The following CIC variants were observed in gnomAD, a reference collection of about 807,000 sequenced individuals.
CIC encodes capicua transcriptional repressor.
Under a neutral mutation model 115.7 loss-of-function variants are expected in CIC, and 18 were observed. The ratio of observed to expected loss-of-function variants is 0.16; its 90% CI spans 0.11 to 0.23. The LOEUF (loss-of-function observed/expected upper bound fraction) is 0.23. Among genes scored for constraint, CIC ranks in the 10% least tolerant of loss-of-function variants. The pLI is 1.00. For missense variants in CIC, 2,000 were observed against 2,159.3 expected, an observed-to-expected ratio of 0.93 and a Z score of 1.46; for synonymous variants, 1,076 against 923.0, an observed-to-expected ratio of 1.17 and a Z score of -3.01.
Position 42,288,881 on chromosome 19 carries a change from T to C in CIC, c.3659-7T>C, listed in dbSNP as rs1479271027. On this transcript the variant is annotated splice_region_variant and splice_polypyrimidine_tract_variant and intron_variant, in intron 7 of 20. Coordinates refer to ENST00000681038, the MANE Select transcript of CIC (RefSeq NM_001386298.1). ...TGACTGTCATAGCGCCACTCTCTACTTTACAGTGTCCTCTGAGCTCCTGTC... is the reference window on the plus strand; with the variant it reads ...TGACTGTCATAGCGCCACTCTCTACCTTACAGTGTCCTCTGAGCTCCTGTC... The C allele has an allele frequency of 1.9e-6, 3 of 1,613,608 alleles. No individual in the cohort carries two copies. The highest frequency in any genetic ancestry group is 2.7e-5 in the African/African-American group (2 of 74,906).
At chr19:42,294,421 A>G in intron 19 of CIC, 117 bp downstream of exon 19, 1 of 1,565,188 alleles carries the variant, frequency 6.4e-7, no homozygotes, top group South Asian at 1.1e-5. Context: ...GAGGAAGCAC[A>G]GCCTGTCAGT....
In CIC at chr19:42,280,447, T is replaced by C. The variant is rs1418329343; in HGVS notation, c.2794+5870T>C. On this transcript the variant is annotated intron_variant, in intron 2 of 20. Coordinates refer to ENST00000681038, the MANE Select transcript of CIC (RefSeq NM_001386298.1). The surrounding 1 kb of genome is among the most constrained non-coding windows in gnomAD (Gnocchi z 4.9). ...AGGGGTGTGGGTTCCCGCGCGCCCCTGGGTGCAGACCTCCTGTGTCGGGCC... is the reference window on the plus strand; with the variant it reads ...AGGGGTGTGGGTTCCCGCGCGCCCCCGGGTGCAGACCTCCTGTGTCGGGCC... Among the ~76,000 whole-genome samples, 1 of 152,046 alleles carries C rather than the reference T, an allele frequency of 6.6e-6. No homozygotes were observed. The highest frequency in any genetic ancestry group is 1.5e-5 in the Non-Finnish European group (1 of 67,982).
At position 42,293,936 on chromosome 19, in the gene CIC, A is replaced by G. The variant is rs2147338774; in HGVS notation, c.6769A>G (p.Arg2257Gly). ...LKKTFDSVDN[R>G]VLSEVDFEER... ...GAGGTGACCCTGCCGGCCCTCCAGC[A>G]GGGTCCTGTCAGAAGTGGACTTCGA... The change falls in exon 18 of 21, where the codon AGG becomes GGG. Residue 2257 changes from arginine to glycine, a missense_variant and splice_region_variant. Around this residue, in one of 8 missense-constraint regions of CIC, gnomAD observed 99 missense variants for 217.6 expected, o/e 0.45. Transcript: ENST00000681038. The G allele has an allele frequency of 6.2e-7, 1 of 1,613,112 alleles. No individual in the cohort carries two copies. Among genetic ancestry groups the G allele is most frequent in the Non-Finnish European group, 8.5e-7 (1 of 1,179,962 alleles).
chr19:42,291,583 C>T lies in CIC; in HGVS notation c.5451C>T (p.Ala1817=), dbSNP rs1168518806. The change falls in exon 12 of 21, where the codon GCC becomes GCT. Residue 1817 remains alanine, a synonymous_variant. Coordinates refer to ENST00000681038, the MANE Select transcript of CIC (RefSeq NM_001386298.1). ...PKAQSVSPVQ[A]PPPGGSAQLL... ...CCCAGTCAGTTTCTCCCGTGCAGGC[C>T]CCGCCCCCGGGTGGCTCAGCCCAGC... is the stretch of plus-strand genomic sequence containing the variant. 1.2e-6 allele frequency: 2 copies of T among 1,612,894 alleles called. No individual in the cohort carries two copies. Among genetic ancestry groups the T allele is most frequent in the Non-Finnish European group, 1.7e-6 (2 of 1,179,986 alleles).
rs762323815 is a variant in CIC, at chr19:42,292,442, G to A, written c.5878G>A (p.Ala1960Thr). Residue 1960 changes from alanine to threonine, a missense_variant, in exon 14 of 21, where the codon GCC becomes ACC. Coordinates refer to ENST00000681038, the MANE Select transcript of CIC (RefSeq NM_001386298.1). ...GFTSLGPSGP[A>T]FVQPLLSAGQ... The stretch of plus-strand genomic sequence containing the variant: ...CACCTCGCTGGGGCCCAGCGGCCCC[G>A]CCTTCGTGCAGCCCCTGCTCTCAGG... The A allele has an allele frequency of 1.6e-5, 25 of 1,611,016 alleles. No homozygotes were observed. Among genetic ancestry groups the A allele is most frequent in the African/African-American group, 1.3e-4 (10 of 74,884 alleles).
intron 7 of CIC, among the ~76,000 whole-genome samples, chr19:42,288,302 G>T (rs946471104): frequency 6.6e-6 from 1 of 152,166 alleles, no homozygotes. Context: ...GTTCAGAGAG[G>T]CAAAATCACT....
At chr19:42,288,801 A>T in intron 7 of CIC, 87 bp from the exon 8 acceptor site, 1 of 1,224,756 alleles carries the variant, frequency 8.2e-7, no homozygotes, top group Non-Finnish European at 1.2e-6. Context: ...TCTGCCTAGT[A>T]CCTAGAAATA....
intron 7 of CIC, among the ~76,000 whole-genome samples, chr19:42,288,235 G>A (rs2037802489): frequency 6.6e-6 from 1 of 152,216 alleles, no homozygotes; most frequent in Admixed American, 6.5e-5. Flanking sequence ...TGGCACTACA[G>A]GGAATATAAG....
In CIC at chr19:42,289,308, C is replaced by G. The variant is rs767219920; in HGVS notation, c.3989C>G (p.Thr1330Ser). 1.2e-6 allele frequency: 2 copies of G among 1,614,058 alleles called. No individual in the cohort carries two copies. Among genetic ancestry groups the G allele is most frequent in the Non-Finnish European group, 1.7e-6 (2 of 1,180,020 alleles). The part of the protein sequence containing the change: ...AATGRPPLLP[T>S]RASRSQRAAS... ...ACTGGGCGGCCCCCGCTGCTGCCCA[C>G]CCGAGCTTCTCGTTCTCAGCGTGCG... Residue 1330 changes from threonine to serine, a missense_variant, in exon 9 of 21, where the codon ACC becomes AGC. This residue lies in a region of CIC where 1,466 missense variants were observed against 1,390.4 expected (regional missense o/e 1.05). Transcript: ENST00000681038.
In CIC at chr19:42,290,713, T is replaced by TCCGCCC. The variant is rs1265581254; in HGVS notation, c.4680_4685dup (p.Ala1561_Pro1562dup). The TCCGCCC allele has an allele frequency of 4.3e-6, 7 of 1,612,272 alleles. No homozygotes were observed. The highest frequency in any genetic ancestry group is 5.9e-6 in the Non-Finnish European group (7 of 1,179,750). On this transcript the variant is annotated inframe_insertion, in exon 11 of 21. Transcript: ENST00000681038. Reference sequence around the variant, plus strand: ...AGAGGGCGGCGGAGCCAGAGTGCCCTCCGCCCCCGCCCCATCACTGGCCTA... The same window carrying TCCGCCC: ...AGAGGGCGGCGGAGCCAGAGTGCCCTCCGCCCCCGCCCCCGCCCCATCACTGGCCTA...
Position 42,273,646 on chromosome 19 carries a change from T to C in CIC, c.1863T>C (p.Thr621=), listed in dbSNP as rs1367154738. The C allele has an allele frequency of 7.5e-6, 3 of 398,464 alleles. No individual in the cohort carries two copies. The highest frequency in any genetic ancestry group is 1.3e-5 in the Non-Finnish European group (3 of 226,028). 24.7% of individuals were successfully genotyped at this position (398,464 alleles called of 1,614,324 possible). A position where few individuals can be genotyped will look rare whatever the true frequency, so the allele number is the denominator to read the frequency against. The part of the protein sequence containing the change: ...SGTPSFSPVS[T]QSPFSPAPSP... ...CGCCCTCCTTCTCACCCGTCTCCAC[T>C]CAATCGCCCTTCTCGCCAGCCCCAT... is the stretch of plus-strand genomic sequence containing the variant. The change falls in exon 2 of 21, where the codon ACT becomes ACC. Residue 621 remains threonine (T), a synonymous_variant. Transcript: ENST00000681038.
chr19:42,291,051 T>C lies in CIC; in HGVS notation c.5010T>C (p.Thr1670=), dbSNP rs2038058350. 6.2e-7 allele frequency: 1 copy of C among 1,613,768 alleles called. No homozygotes were observed. Among genetic ancestry groups the C allele is most frequent in the Non-Finnish European group, 8.5e-7 (1 of 1,179,966 alleles). Residue 1670 remains threonine, a synonymous_variant, in exon 11 of 21, where the codon ACT becomes ACC. Coordinates refer to ENST00000681038, the MANE Select transcript of CIC (RefSeq NM_001386298.1). ...GTVGKAPATV[T]NLLVGTPGYG... ...TGGGGAAGGCGCCTGCCACTGTCACTAACCTACTGGTGGGCACCCCGGGGT... is the reference window on the plus strand; with the variant it reads ...TGGGGAAGGCGCCTGCCACTGTCACCAACCTACTGGTGGGCACCCCGGGGT...
intron 2 of CIC, chr19:42,284,026 G>A (rs1049959498): frequency 9.4e-5 from 14 of 148,954 alleles, no homozygotes; most frequent in African/African-American, 2.9e-4. Flanking sequence ...GGCGGGGGGA[G>A]GCGCGGCGGG....
intron 10 of CIC, 22 bp downstream of exon 10, chr19:42,289,973 C>A (rs1336524166): frequency 1.3e-6 from 2 of 1,555,942 alleles, no homozygotes; most frequent in Non-Finnish European, 1.8e-6. Context: ...GGTCACGGTG[C>A]TGTCCCATCA....
At chr19:42,282,651 A>T (rs1226696024) in intron 2 of CIC, among the ~76,000 whole-genome samples, 1 of 152,226 alleles carries the variant, frequency 6.6e-6, no homozygotes, top group Non-Finnish European at 1.5e-5. Context: ...TGAGTAATGG[A>T]AACAGCACTT....
In CIC at chr19:42,286,931, G is replaced by A. The variant is rs1163993423; in HGVS notation, c.2944+11G>A. 1.2e-6 allele frequency: 2 copies of A among 1,609,968 alleles called. No homozygotes were observed. The highest frequency in any genetic ancestry group is 1.7e-5 in the Admixed American group (1 of 59,998). ...CCAACCAGAGCAAAGGTGAGGGCTG[G>A]TGGGGACTGGGGGGAGGCAAGGGTG... On this transcript the variant is annotated intron_variant, in intron 3 of 20. Coordinates refer to ENST00000681038, the MANE Select transcript of CIC (RefSeq NM_001386298.1).
Position 42,292,799 on chromosome 19 carries a change from G to A in CIC, c.6136G>A (p.Gly2046Ser), listed in dbSNP as rs1599929407. ...TPPAATILPK[G>S]PPAPATATPA... ...ACCTGCAGCCACCATTCTGCCCAAG[G>A]GCCCGCCAGCCCCTGCCACTGCCAC... The change falls in exon 15 of 21, where the codon GGC (glycine) becomes AGC (serine). Residue 2046 changes from glycine to serine, a missense_variant. This residue lies in a region of CIC where 1,466 missense variants were observed against 1,390.4 expected (regional missense o/e 1.05). Transcript: ENST00000681038. 1 of 1,613,542 alleles carries A rather than the reference G, an allele frequency of 6.2e-7. No individual in the cohort carries two copies. The highest frequency in any genetic ancestry group is 1.3e-5 in the African/African-American group (1 of 74,988).
At position 42,290,769 on chromosome 19, in the gene CIC, T is replaced by G. The variant is rs758324915; in HGVS notation, c.4728T>G (p.Pro1576=). The change falls in exon 11 of 21, where the codon CCT becomes CCG. Residue 1576 remains proline, a synonymous_variant. Coordinates refer to ENST00000681038, the MANE Select transcript of CIC (RefSeq NM_001386298.1). The part of the protein sequence containing the change: ...YGAPAAPLSR[P]AATMVTNVVR... The stretch of plus-strand genomic sequence containing the variant: ...CCCCAGCAGCTCCCCTGTCCCGTCC[T>G]GCCGCCACCATGGTCACCAATGTGG... 1 of 1,611,972 alleles carries G rather than the reference T, an allele frequency of 6.2e-7. No homozygotes were observed. Among genetic ancestry groups the G allele is most frequent in the South Asian group, 1.1e-5 (1 of 90,980 alleles).
At chr19:42,269,829 A>C (rs2036705226) in intron 1 of CIC, among the ~76,000 whole-genome samples, 2 of 151,746 alleles carry the variant, frequency 1.3e-5, no homozygotes, top group African/African-American at 2.4e-5. Flanking sequence ...AGGATGAGAG[A>C]GAGAGTGTCA....
Sources: gnomAD v4.1 joint callset for allele counts (sites outside exome capture counted in the v4.1 genomes callset) on GRCh38, gnomAD v4.1.1 for gene constraint, gnomAD v4.1.1 regional missense constraint, Gnocchi (gnomAD v3.1) non-coding constraint, MANE v1.5 for transcripts, NCBI Gene and HGNC (gene_info 2026-07-23, HGNC 2026-07-21) for gene names.